PLXDC2: variants seen among roughly 807,000 people sequenced by gnomAD.
PLXDC2 encodes the protein plexin domain-containing protein 2.
PLXDC2 carries 40 observed loss-of-function variants against 68.9 expected under a neutral mutation model. That is an observed-to-expected ratio of 0.58 (90% confidence interval 0.45 to 0.76). The LOEUF is 0.76. Among genes scored for constraint, PLXDC2 ranks in the 30% least tolerant of loss-of-function variants. The pLI is 0.00. For synonymous variants in PLXDC2, 243 were observed against 234.2 expected (o/e 1.04, Z -0.34); for missense variants, 644 against 661.9 (o/e 0.97, Z 0.30).
chr10:20,243,693 G>T (rs904236629), intron 12 of PLXDC2, among the ~76,000 whole-genome samples: 2 of 128,934 alleles, frequency 1.6e-5, no homozygotes, highest in Non-Finnish European at 3.7e-5. Flanking sequence ...CTTATTAAAT[G>T]AAGTTTAATA....
Position 20,079,770 on chromosome 10 carries a change from A to G in PLXDC2, c.541+11531A>G, listed in dbSNP as rs764687571. Among the ~76,000 whole-genome samples the G allele has an allele frequency of 1.1e-4, 16 of 151,908 alleles. No homozygotes were observed. The East Asian group carries it at 1.2e-3, about 11-fold the overall frequency. On this transcript the variant is annotated intron_variant, in intron 4 of 13. Coordinates refer to ENST00000377252, the MANE Select transcript of PLXDC2 (RefSeq NM_032812.9). ...GACACAGGGAGGGGAACATCACACA[A>G]TGGGGCCCGTCAGGGGGTAGGGGAC...
At chr10:20,029,313 TA>T (rs1480438489) in intron 2 of PLXDC2, among the ~76,000 whole-genome samples, 1 of 152,194 alleles carries the variant, frequency 6.6e-6, no homozygotes, top group South Asian at 2.1e-4. Context: ...GACTAGATCA[TA>T]AATACCTACT....
intron 13 of PLXDC2, among the ~76,000 whole-genome samples, chr10:20,261,017 C>T (rs1308119981): frequency 6.6e-6 from 1 of 152,080 alleles, no homozygotes; most frequent in Non-Finnish European, 1.5e-5. Context: ...TTTTCAAGTC[C>T]TTTCTCCATT....
intron 1 of PLXDC2, among the ~76,000 whole-genome samples, chr10:19,971,040 T>C (rs1834343559): frequency 6.6e-6 from 1 of 152,214 alleles, no homozygotes; most frequent in African/African-American, 2.4e-5. Context: ...AAACTTCAAG[T>C]TCTGCTCCTG....
chr10:20,118,093 T>C (rs1323510219), intron 4 of PLXDC2, among the ~76,000 whole-genome samples: 1 of 142,346 alleles, frequency 7.0e-6, no homozygotes, highest in East Asian at 2.0e-4. Flanking sequence ...TATACATGCA[T>C]CCATATATGC....
intron 4 of PLXDC2, among the ~76,000 whole-genome samples, chr10:20,069,112 T>C (rs1043209725): frequency 6.6e-6 from 1 of 152,198 alleles, no homozygotes; most frequent in Non-Finnish European, 1.5e-5. Flanking sequence ...TCACTGAATC[T>C]TACCAGGGGT....
chr10:19,927,262 C>T (rs1207746187), intron 1 of PLXDC2, among the ~76,000 whole-genome samples: 1 of 152,048 alleles, frequency 6.6e-6, no homozygotes, highest in Non-Finnish European at 1.5e-5. Context: ...TTATGAGTCA[C>T]GGGCATTGGG....
At chr10:20,207,575 G>A (rs1270258815) in intron 9 of PLXDC2, among the ~76,000 whole-genome samples, 2 of 152,098 alleles carry the variant, frequency 1.3e-5, no homozygotes, top group Non-Finnish European at 2.9e-5. Flanking sequence ...TTCTTCTGTA[G>A]AAAATTGATA....
intron 12 of PLXDC2, among the ~76,000 whole-genome samples, chr10:20,238,696 C>CACATATATGTTTATATATAT (rs1554777593): frequency 8.8e-6 from 1 of 113,260 alleles, no homozygotes; most frequent in African/African-American, 3.5e-5. Context: ...TATATATACA[C>CACATATATGTTTATATATAT]ACATATATAT....
In PLXDC2 at chr10:20,164,585, A is replaced by G; in HGVS notation, c.883+18A>G. 1 of 1,562,898 alleles carries G rather than the reference A, an allele frequency of 6.4e-7. No individual in the cohort carries two copies. Among genetic ancestry groups the G allele is most frequent in the Non-Finnish European group, 8.8e-7 (1 of 1,133,652 alleles). ...AATTCCCAGTACGTAGAAGAAGGGC[A>G]GTCGCAATGAGTGAGCCTCTGTGGG... is the stretch of plus-strand genomic sequence containing the variant. On this transcript the variant is annotated intron_variant, in intron 7 of 13. Coordinates refer to ENST00000377252, the MANE Select transcript of PLXDC2 (RefSeq NM_032812.9).
chr10:19,841,772 T>C (rs1228315945), intron 1 of PLXDC2, among the ~76,000 whole-genome samples: 1 of 152,196 alleles, frequency 6.6e-6, no homozygotes, highest in East Asian at 1.9e-4. Context: ...CAGTAAGTGC[T>C]GATGATTTTT....
intron 9 of PLXDC2, among the ~76,000 whole-genome samples, chr10:20,196,321 G>T (rs1834837010): frequency 6.6e-6 from 1 of 152,134 alleles, no homozygotes; most frequent in Non-Finnish European, 1.5e-5. Flanking sequence ...TGACTTGGAG[G>T]ATTTCATGTG....
chr10:20,009,600 A>G (rs919867296), intron 2 of PLXDC2, among the ~76,000 whole-genome samples: 1 of 151,824 alleles, frequency 6.6e-6, no homozygotes, highest in Non-Finnish European at 1.5e-5. Context: ...ATTGAAAAGG[A>G]GAAATACTGC....
chr10:20,050,350 A>G (rs1835874935), intron 3 of PLXDC2, among the ~76,000 whole-genome samples: 1 of 152,332 alleles, frequency 6.6e-6, no homozygotes, highest in South Asian at 2.1e-4. Flanking sequence ...ATGAAAGCAA[A>G]AATTAACAAA....
chr10:20,017,807 G>C (rs953137162), intron 2 of PLXDC2, among the ~76,000 whole-genome samples: 1 of 152,174 alleles, frequency 6.6e-6, no homozygotes, highest in Non-Finnish European at 1.5e-5. Flanking sequence ...AATTCAAGTG[G>C]GCTTGGAGTC....
Position 20,286,540 on chromosome 10 carries a change from C to T in PLXDC2, c.*6721C>T, listed in dbSNP as rs1274397473. 2.0e-5 allele frequency: 3 copies of T among 152,054 alleles called. No homozygotes were observed. The highest frequency in any genetic ancestry group is 2.1e-4 in the South Asian group (1 of 4,838). 9.4% of individuals were successfully genotyped at this position (152,054 alleles called of 1,614,324 possible). On this transcript the variant is annotated 3_prime_UTR_variant, in exon 14 of 14. Transcript: ENST00000377252. ...ATATATACATTCATGACCAAAGTAT[C>T]GCTTACTGACCATGCAGCTGTAAAC...
At chr10:20,248,973 C>T (rs7903801) in intron 13 of PLXDC2, among the ~76,000 whole-genome samples, 51,936 of 151,816 alleles carry the variant, frequency 0.34, 9,000 homozygotes, top group African/African-American at 0.41. Flanking sequence ...GAAGAAGAAA[C>T]GCCATTTATA....
chr10:20,026,704 C>G (rs1294260421), intron 2 of PLXDC2, among the ~76,000 whole-genome samples: 1 of 151,848 alleles, frequency 6.6e-6, no homozygotes, highest in East Asian at 1.9e-4. Flanking sequence ...AATTTCTAAA[C>G]TGATGGATGC....
At position 20,077,619 on chromosome 10, in the gene PLXDC2, A is replaced by C. The variant is rs147948534; in HGVS notation, c.541+9380A>C. ...CTGAAGGCAAAGAAAATGGAAGAAA[A>C]TGTCTTTTAATTGGCTTATTGTCAA... is the stretch of plus-strand genomic sequence containing the variant. On this transcript the variant is annotated intron_variant, in intron 4 of 13. Coordinates refer to ENST00000377252, the MANE Select transcript of PLXDC2 (RefSeq NM_032812.9). Among the ~76,000 whole-genome samples, 481 of 152,312 alleles carry C rather than the reference A, an allele frequency of 3.2e-3. 3 individuals are homozygous for C. The highest frequency in any genetic ancestry group is 0.01 in the African/African-American group (427 of 41,582).
Sources: gnomAD v4.1 joint callset for allele counts (sites outside exome capture counted in the v4.1 genomes callset) on GRCh38, gnomAD v4.1.1 for gene constraint, MANE v1.5 for transcripts, NCBI Gene and HGNC (gene_info 2026-07-23, HGNC 2026-07-21) for gene names.